KCTD8: variants seen among roughly 807,000 people sequenced by gnomAD.
The protein encoded by KCTD8 is potassium channel tetramerization domain containing 8.
A neutral mutation model predicts 31.5 loss-of-function variants in KCTD8; 27 were observed. The observed-to-expected ratio is 0.86, with a 90% confidence interval of 0.63 to 1.18. The LOEUF is 1.18. Among genes scored for constraint, KCTD8 ranks in the 50% most tolerant of loss-of-function variants. The pLI is 0.00. For missense variants in KCTD8, 658 were observed against 647.7 expected (o/e 1.02, Z -0.17); for synonymous variants, 290 against 280.0 (o/e 1.04, Z -0.36).
intron 1 of KCTD8, among the ~76,000 whole-genome samples, chr4:44,402,205 T>C (rs1720682009): frequency 6.6e-6 from 1 of 152,166 alleles, no homozygotes; most frequent in Admixed American, 6.5e-5. Context: ...TAGATTTTAG[T>C]CATGCTCTTA....
chr4:44,222,779 G>A (rs1714844284), intron 1 of KCTD8, among the ~76,000 whole-genome samples: 1 of 152,126 alleles, frequency 6.6e-6, no homozygotes, highest in South Asian at 2.1e-4. Flanking sequence ...AAAGAGATTA[G>A]GAAAGAGCTG....
chr4:44,307,779 G>A (rs1201652340), intron 1 of KCTD8, among the ~76,000 whole-genome samples: 1 of 151,866 alleles, frequency 6.6e-6, no homozygotes, highest in Non-Finnish European at 1.5e-5. Context: ...TCATGAAATA[G>A]GCCAGTGCTG....
rs1306879970 is a variant in KCTD8 at position 44,448,407 on chromosome 4, G to A, written c.117C>T (p.Pro39=). 3.2e-6 allele frequency: 5 copies of A among 1,574,704 alleles called. No homozygotes were observed. Among genetic ancestry groups the A allele is most frequent in the Non-Finnish European group, 4.3e-6 (5 of 1,165,836 alleles). Residue 39 remains proline, a synonymous_variant, in exon 1 of 2, where the codon CCC becomes CCT. Transcript: ENST00000360029. This position sits in a 1 kb window ranked among gnomAD's most constrained non-coding sequence, Gnocchi z 4.1. ...GCTCCACTACTTCAGGGAAGGGCGAGGGTGCGCAGGGCCCCGGGGCGGCGG... is the reference window on the plus strand; with the variant it reads ...GCTCCACTACTTCAGGGAAGGGCGAAGGTGCGCAGGGCCCCGGGGCGGCGG... ...SAAAAPGPCA[P]SPFPEVVELN...
chr4:44,434,796 A>C (rs1482803724), intron 1 of KCTD8, among the ~76,000 whole-genome samples: 1 of 152,004 alleles, frequency 6.6e-6, no homozygotes, highest in Non-Finnish European at 1.5e-5. Flanking sequence ...GACCAGATCT[A>C]GTGTGAAATT....
chr4:44,405,380 C>T (rs1359803809), intron 1 of KCTD8, among the ~76,000 whole-genome samples: 1 of 152,120 alleles, frequency 6.6e-6, no homozygotes, highest in Non-Finnish European at 1.5e-5. Context: ...GCCTCAGCCT[C>T]CTAAGTAGCT....
chr4:44,201,325 ACCAAAAAAGAGCCTAAATAT>A, intron 1 of KCTD8, among the ~76,000 whole-genome samples: 1 of 152,148 alleles, frequency 6.6e-6, no homozygotes, highest in Non-Finnish European at 1.5e-5. Flanking sequence ...TTCATATGGA[ACCAAAAAAGAGCCTAAATAT>A]CCAAAGCAAT....
chr4:44,307,931 C>T (rs1429980651), intron 1 of KCTD8, among the ~76,000 whole-genome samples: 1 of 151,962 alleles, frequency 6.6e-6, no homozygotes, highest in African/African-American at 2.4e-5. Flanking sequence ...AGATACAAGA[C>T]AGATGAATTA....
intron 1 of KCTD8, among the ~76,000 whole-genome samples, chr4:44,265,786 G>T (rs1487704142): frequency 7.9e-5 from 12 of 152,142 alleles, no homozygotes; most frequent in Middle Eastern, 3.2e-3. Flanking sequence ...TGGAAGAAAG[G>T]GTATCAGCCA....
intron 1 of KCTD8, among the ~76,000 whole-genome samples, chr4:44,197,827 A>G (rs1713992846): frequency 6.6e-6 from 1 of 152,224 alleles, no homozygotes. Flanking sequence ...AATGACTTAA[A>G]TAACAGACAC....
At chr4:44,407,035 G>C (rs1720814469) in intron 1 of KCTD8, among the ~76,000 whole-genome samples, 1 of 152,086 alleles carries the variant, frequency 6.6e-6, no homozygotes, top group Admixed American at 6.6e-5. Context: ...TATCCTAGTA[G>C]GCATGTCCAA....
chr4:44,406,279 A>G (rs1477799094), intron 1 of KCTD8, among the ~76,000 whole-genome samples: 1 of 152,076 alleles, frequency 6.6e-6, no homozygotes, highest in African/African-American at 2.4e-5. Flanking sequence ...AAAGCATAAT[A>G]TCATACATTG....
chr4:44,248,232 T>G (rs1715725597), intron 1 of KCTD8, among the ~76,000 whole-genome samples: 1 of 151,856 alleles, frequency 6.6e-6, no homozygotes, highest in South Asian at 2.1e-4. Flanking sequence ...ACTAGAGTGA[T>G]TAAATAAAAT....
rs565516169 is a variant in KCTD8 at position 44,352,587 on chromosome 4, A to T, written c.961+94976T>A. Among the ~76,000 whole-genome samples, 121 of 114,888 alleles carry T rather than the reference A, an allele frequency of 1.1e-3. No individual in the cohort carries two copies. In the South Asian group the frequency reaches 0.015, roughly 15 times the overall value. The allele number at this position is 114,888 out of a possible 152,430, so 75.4% of individuals were successfully genotyped here. On this transcript the variant is annotated intron_variant, in intron 1 of 1. Coordinates refer to ENST00000360029, the MANE Select transcript of KCTD8 (RefSeq NM_198353.3). ...AAATTATTATTTCTATTAAAAATAG[A>T]AATAATAAAAGAGAATAAAGACCAG...
At chr4:44,442,770 G>GATATACACAC (rs1560456018) in intron 1 of KCTD8, among the ~76,000 whole-genome samples, 3 of 147,746 alleles carry the variant, frequency 2.0e-5, no homozygotes, top group Non-Finnish European at 4.5e-5. Flanking sequence ...TCTTAACTAA[G>GATATACACAC]GTATACACAC....
chr4:44,420,745 C>T (rs894788110), intron 1 of KCTD8, among the ~76,000 whole-genome samples: 6 of 151,980 alleles, frequency 3.9e-5, no homozygotes, highest in Admixed American at 3.3e-4. Flanking sequence ...GAGAATATCT[C>T]CCTTGTGAAA....
At chr4:44,342,607 T>G (rs531368948) in intron 1 of KCTD8, among the ~76,000 whole-genome samples, 1 of 152,324 alleles carries the variant, frequency 6.6e-6, no homozygotes, top group East Asian at 1.9e-4. Context: ...AGAAGAGAGA[T>G]AACCTGTCTT....
At position 44,174,730 on chromosome 4, in the gene KCTD8, G is replaced by A; in HGVS notation, c.*60C>T. On this transcript the variant is annotated 3_prime_UTR_variant, in exon 2 of 2. Transcript: ENST00000360029. ...CTGACCATTGTTAGGACATCAGTCA[G>A]GTGGTGACACTGTAGTAAACATTGA... The A allele has an allele frequency of 7.9e-7, 1 of 1,259,294 alleles. No homozygotes were observed. Among genetic ancestry groups the A allele is most frequent in the Non-Finnish European group, 1.1e-6 (1 of 890,818 alleles). 78.0% of individuals were successfully genotyped at this position (1,259,294 alleles called of 1,614,324 possible). A position where few individuals can be genotyped will look rare whatever the true frequency, so the allele number is the denominator to read the frequency against.
intron 1 of KCTD8, among the ~76,000 whole-genome samples, chr4:44,339,194 G>A (rs978542702): frequency 2.0e-4 from 30 of 152,150 alleles, no homozygotes; most frequent in Non-Finnish European, 4.3e-4. Flanking sequence ...TACAATCTTT[G>A]GAGTCAAAGA....
intron 1 of KCTD8, among the ~76,000 whole-genome samples, chr4:44,401,051 C>T (rs954777540): frequency 2.4e-5 from 3 of 125,040 alleles, no homozygotes; most frequent in Admixed American, 9.5e-5. Context: ...TGGGGTCTCA[C>T]TATGTTGTCT....
Sources: allele counts gnomAD v4.1 joint callset (sites outside exome capture counted in the v4.1 genomes callset), GRCh38; gene constraint gnomAD v4.1.1; non-coding constraint Gnocchi (gnomAD v3.1); transcripts MANE v1.5; gene names NCBI Gene and HGNC (gene_info 2026-07-23, HGNC 2026-07-21).